Variants in HPSE2 observed in about 807,000 individuals in gnomAD.
The protein encoded by HPSE2 is inactive heparanase-2.
In HPSE2, 38 loss-of-function variants were observed where a neutral mutation model predicts 60.5. The observed-to-expected ratio is 0.63, with a 90% confidence interval of 0.48 to 0.82. The LOEUF (loss-of-function observed/expected upper bound fraction) is 0.82. Ranked by LOEUF, HPSE2 falls within the 40% of genes least tolerant of loss-of-function variation. The pLI, the probability that HPSE2 is intolerant of heterozygous loss-of-function variation, is 0.00. For synonymous variants in HPSE2, 295 were observed against 293.2 expected, an observed-to-expected ratio of 1.01 and a Z score of -0.06; for missense variants, 713 against 740.4, an observed-to-expected ratio of 0.96 and a Z score of 0.43.
intron 9 of HPSE2, among the ~76,000 whole-genome samples, chr10:98,548,750 C>T (rs12355571): frequency 0.45 from 68,866 of 152,094 alleles, 18,642 homozygotes; most frequent in South Asian, 0.59. Context: ...ATGTTAGGCC[C>T]ATTGCCCCTG....
chr10:98,527,758 T>C (rs1045366668), intron 9 of HPSE2, among the ~76,000 whole-genome samples: 4 of 152,178 alleles, frequency 2.6e-5, no homozygotes, highest in Non-Finnish European at 5.9e-5. Flanking sequence ...TCCCGGAGCC[T>C]AGCACAGTGT....
At chr10:99,309,156 T>C in the HPSE2 span, among the ~76,000 whole-genome samples, 2 of 152,084 alleles carry the variant, frequency 1.3e-5, no homozygotes, top group South Asian at 4.1e-4. Flanking sequence ...AGTAGATGTG[T>C]AGTTGCCAGG....
intron 3 of HPSE2, among the ~76,000 whole-genome samples, chr10:98,982,607 A>G (rs1057327195): frequency 5.9e-5 from 9 of 152,288 alleles, no homozygotes; most frequent in African/African-American, 2.2e-4. Context: ...GTTGCCAGTA[A>G]GTAACCAAGT....
At chr10:99,259,725 G>C in the HPSE2 span, among the ~76,000 whole-genome samples, 2 of 152,210 alleles carry the variant, frequency 1.3e-5, no homozygotes, top group African/African-American at 4.8e-5. Flanking sequence ...TATCAGTATG[G>C]GTCTGTGGCC....
chr10:98,826,277 G>A (rs1004826017), intron 3 of HPSE2, among the ~76,000 whole-genome samples: 11 of 152,132 alleles, frequency 7.2e-5, no homozygotes, highest in African/African-American at 2.7e-4. Flanking sequence ...TTTTATGTCT[G>A]TATTGTGTAG....
chr10:98,631,008 A>T (rs887267007), intron 7 of HPSE2, among the ~76,000 whole-genome samples: 1 of 152,210 alleles, frequency 6.6e-6, no homozygotes, highest in Non-Finnish European at 1.5e-5. Flanking sequence ...GAGCTCAGTC[A>T]TTCCAGTATC....
At chr10:99,228,495 A>G (rs1849543797) in intron 2 of HPSE2, among the ~76,000 whole-genome samples, 1 of 152,224 alleles carries the variant, frequency 6.6e-6, no homozygotes, top group African/African-American at 2.4e-5. Flanking sequence ...CAATACAAAG[A>G]GGGGAAGACT....
chr10:98,466,371 T>C (rs1215255315), intron 11 of HPSE2, among the ~76,000 whole-genome samples: 1 of 152,054 alleles, frequency 6.6e-6, no homozygotes, highest in Admixed American at 6.5e-5. Flanking sequence ...CCCAGCACTT[T>C]GGGAGGCCGA....
the HPSE2 span, among the ~76,000 whole-genome samples, chr10:99,278,090 C>CAAAAAAA: frequency 8.5e-6 from 1 of 118,306 alleles, no homozygotes; most frequent in Non-Finnish European, 1.7e-5. Context: ...GACTCCCTCT[C>CAAAAAAA]AAAAAAAAAA....
intron 2 of HPSE2, among the ~76,000 whole-genome samples, chr10:99,206,435 T>A (rs562719010): frequency 6.6e-6 from 1 of 151,798 alleles, no homozygotes; most frequent in African/African-American, 2.4e-5. Flanking sequence ...ACCCAATGTC[T>A]ACAAAAAATT....
chr10:99,233,230 C>A (rs1364182001), intron 1 of HPSE2, among the ~76,000 whole-genome samples: 1 of 151,906 alleles, frequency 6.6e-6, no homozygotes, highest in Admixed American at 6.6e-5. Flanking sequence ...CACACACACA[C>A]AGTAAAGGCA....
At chr10:99,023,317 T>C (rs1957305537) in intron 3 of HPSE2, among the ~76,000 whole-genome samples, 1 of 152,144 alleles carries the variant, frequency 6.6e-6, no homozygotes, top group African/African-American at 2.4e-5. Flanking sequence ...CTGAGTGCCA[T>C]GTCAGCCACA....
chr10:98,960,726 A>ATT (rs68091060), intron 3 of HPSE2, among the ~76,000 whole-genome samples: 10 of 102,592 alleles, frequency 9.7e-5, no homozygotes, highest in African/African-American at 2.8e-4. Context: ...TTTTTGTTTT[A>ATT]TTTTTTTTAT....
At chr10:98,947,601 A>G (rs1489370550) in intron 3 of HPSE2, among the ~76,000 whole-genome samples, 2 of 152,188 alleles carry the variant, frequency 1.3e-5, no homozygotes, top group African/African-American at 4.8e-5. Flanking sequence ...CTAGAATAAA[A>G]TGCCACACAA....
At chr10:98,916,152 C>G (rs946239127) in intron 3 of HPSE2, among the ~76,000 whole-genome samples, 1 of 152,146 alleles carries the variant, frequency 6.6e-6, no homozygotes, top group Non-Finnish European at 1.5e-5. Flanking sequence ...GCTGTGATAA[C>G]CATCCAGGTT....
In HPSE2 at chr10:98,459,469, A is replaced by T. The variant is rs1297661684; in HGVS notation, c.*105T>A. 2 of 1,195,602 alleles carry T rather than the reference A, an allele frequency of 1.7e-6. No homozygotes were observed. Among genetic ancestry groups the T allele is most frequent in the Non-Finnish European group, 2.5e-6 (2 of 800,782 alleles). 74.1% of individuals were successfully genotyped at this position (1,195,602 alleles called of 1,614,324 possible). A position where few individuals can be genotyped will look rare whatever the true frequency, so the allele number is the denominator to read the frequency against. On this transcript the variant is annotated 3_prime_UTR_variant, in exon 12 of 12. Coordinates refer to ENST00000370552, the MANE Select transcript of HPSE2 (RefSeq NM_021828.5). ...TGTGTTGATTCCAGCAGGATGGGGCAGCAGGGGCTGGTTGCTAGGATGTCT... is the reference window on the plus strand; with the variant it reads ...TGTGTTGATTCCAGCAGGATGGGGCTGCAGGGGCTGGTTGCTAGGATGTCT...
intron 9 of HPSE2, among the ~76,000 whole-genome samples, chr10:98,589,747 A>G (rs1945036896): frequency 6.6e-6 from 1 of 152,192 alleles, no homozygotes; most frequent in Non-Finnish European, 1.5e-5. Flanking sequence ...AGTATTTGCA[A>G]GTTACCTATA....
In HPSE2 at chr10:98,936,056, G is replaced by A. The variant is rs971973632; in HGVS notation, c.611-192000C>T. Among the ~76,000 whole-genome samples, 7 of 144,436 alleles carry A rather than the reference G, an allele frequency of 4.8e-5. 3 individuals carry two copies. Among genetic ancestry groups the A allele is most frequent in the African/African-American group, 1.4e-4 (5 of 35,710 alleles). 94.8% of individuals were successfully genotyped at this position (144,436 alleles called of 152,430 possible). Reference sequence around the variant, plus strand: ...GGCCACAGCCACTTTACTGCACTGTGGAGAATTCTGCCCAGTCCAAACCTC... The same window carrying A: ...GGCCACAGCCACTTTACTGCACTGTAGAGAATTCTGCCCAGTCCAAACCTC... On this transcript the variant is annotated intron_variant, in intron 3 of 11. Coordinates refer to ENST00000370552, the MANE Select transcript of HPSE2 (RefSeq NM_021828.5).
chr10:98,649,136 G>T (rs1489141359), intron 6 of HPSE2, among the ~76,000 whole-genome samples: 1 of 152,172 alleles, frequency 6.6e-6, no homozygotes, highest in African/African-American at 2.4e-5. Flanking sequence ...CTCAGTGTTT[G>T]TAAATTGGGG....
Sources: allele counts gnomAD v4.1 joint callset (sites outside exome capture counted in the v4.1 genomes callset), GRCh38; gene constraint gnomAD v4.1.1; transcripts MANE v1.5; gene names NCBI Gene and HGNC (gene_info 2026-07-23, HGNC 2026-07-21).